LUZP2: variants seen among roughly 807,000 people sequenced by gnomAD.
LUZP2 encodes leucine zipper protein 2.
A neutral mutation model predicts 51.6 loss-of-function variants in LUZP2; 52 were observed. The observed-to-expected ratio is 1.01, with a 90% confidence interval of 0.81 to 1.27. LUZP2 has a LOEUF of 1.27. LUZP2 is among the 50% of genes most tolerant of loss of function. The pLI is 0.00. For missense variants in LUZP2, 436 were observed against 395.4 expected (o/e 1.10, Z -0.87); for synonymous variants, 154 against 137.3 (o/e 1.12, Z -0.85).
intron 5 of LUZP2, among the ~76,000 whole-genome samples, chr11:24,826,543 T>C (rs1014540564): frequency 1.3e-5 from 2 of 151,346 alleles, no homozygotes. Context: ...CTAATTTCAC[T>C]GCCCTTCCAA....
At chr11:24,699,086 AACACACACACACACACAC>A (rs67317108) in intron 1 of LUZP2, among the ~76,000 whole-genome samples, 2 of 138,370 alleles carry the variant, frequency 1.4e-5, no homozygotes, top group Non-Finnish European at 3.1e-5. Context: ...AAACCACAGA[AACACACACACACACACAC>A]ACACACACAC....
intron 1 of LUZP2, among the ~76,000 whole-genome samples, chr11:24,728,780 G>A (rs568838155): frequency 1.3e-3 from 195 of 151,974 alleles, no homozygotes; most frequent in African/African-American, 2.2e-3. Context: ...GTATGAGTCC[G>A]TTTCACACTG....
intron 9 of LUZP2, among the ~76,000 whole-genome samples, chr11:25,043,886 C>G (rs1858160312): frequency 7.1e-6 from 1 of 141,452 alleles, no homozygotes; most frequent in Admixed American, 7.2e-5. Context: ...TAAAATGGGT[C>G]TCAGACTATA....
intron 1 of LUZP2, among the ~76,000 whole-genome samples, chr11:24,645,291 G>T (rs870382): frequency 1.3e-5 from 2 of 151,902 alleles, no homozygotes; most frequent in East Asian, 3.9e-4. Context: ...AAGAGGGAGA[G>T]AAAGAGAGTT....
chr11:24,729,435 G>A (rs557220374), intron 2 of LUZP2, 149 bp downstream of exon 2: 1 of 434,738 alleles, frequency 2.3e-6, no homozygotes, highest in Non-Finnish European at 4.1e-6. Context: ...GCCCTAAACG[G>A]AAATGTCATT....
chr11:25,030,914 TGTATTATATATATATA>T, intron 9 of LUZP2, among the ~76,000 whole-genome samples: 1 of 33,962 alleles, frequency 2.9e-5, no homozygotes, highest in East Asian at 4.7e-4. Context: ...TAATATATAT[TGTATTATATATATATA>T]ATATATATTA....
intron 7 of LUZP2, among the ~76,000 whole-genome samples, chr11:24,924,727 G>A (rs927847946): frequency 5.3e-5 from 8 of 152,160 alleles, no homozygotes; most frequent in African/African-American, 1.4e-4. Flanking sequence ...CATGTAAGAT[G>A]TTCATTGGTT....
At chr11:25,030,959 TACA>T (rs1437411362) in intron 9 of LUZP2, among the ~76,000 whole-genome samples, 2 of 4,418 alleles carry the variant, frequency 4.5e-4, no homozygotes, top group African/African-American at 3.7e-3. Flanking sequence ...ATATATATAA[TACA>T]ATATATATTA....
At chr11:25,002,980 T>A (rs1856731844) in intron 9 of LUZP2, among the ~76,000 whole-genome samples, 1 of 152,174 alleles carries the variant, frequency 6.6e-6, no homozygotes, top group South Asian at 2.1e-4. Context: ...AATGTTTTAA[T>A]GTCTTAGGGT....
chr11:24,918,639 A>T (rs915462119), intron 7 of LUZP2, among the ~76,000 whole-genome samples: 1 of 134,146 alleles, frequency 7.5e-6, no homozygotes, highest in Non-Finnish European at 1.7e-5. Context: ...GTAATTCTTT[A>T]AAAAAAAAAT....
chr11:24,513,271 G>C (rs1850367620), intron 1 of LUZP2, among the ~76,000 whole-genome samples: 1 of 152,064 alleles, frequency 6.6e-6, no homozygotes, highest in Admixed American at 6.6e-5. Context: ...CCCCTTGCCT[G>C]TTTTTGGATT....
intron 1 of LUZP2, among the ~76,000 whole-genome samples, chr11:24,607,405 G>A (rs904527872): frequency 8.8e-6 from 1 of 113,192 alleles, no homozygotes. Context: ...ACCATTTATC[G>A]AAGAGACTAT....
At chr11:25,069,318 CTTG>C (rs1463811584) in intron 10 of LUZP2, among the ~76,000 whole-genome samples, 4 of 151,872 alleles carry the variant, frequency 2.6e-5, no homozygotes, top group South Asian at 2.1e-4. Flanking sequence ...ATCTGTTGAT[CTTG>C]TTGTCCTCAT....
At chr11:24,752,459 A>T (rs1158409694) in intron 4 of LUZP2, among the ~76,000 whole-genome samples, 1 of 152,216 alleles carries the variant, frequency 6.6e-6, no homozygotes, top group Non-Finnish European at 1.5e-5. Flanking sequence ...TACTGTACTC[A>T]AAAACAGAAT....
intron 1 of LUZP2, among the ~76,000 whole-genome samples, chr11:24,633,112 T>C (rs572249273): frequency 6.6e-6 from 1 of 152,108 alleles, no homozygotes; most frequent in South Asian, 2.1e-4. Context: ...TCTTGTTGCC[T>C]TCATGATGAC....
intron 5 of LUZP2, among the ~76,000 whole-genome samples, chr11:24,896,406 C>A (rs1296261791): frequency 1.3e-5 from 2 of 152,168 alleles, no homozygotes; most frequent in Non-Finnish European, 2.9e-5. Flanking sequence ...GCGATGCCAG[C>A]TCCAGGCAGT....
At chr11:24,596,598 T>G (rs1327587926) in intron 1 of LUZP2, among the ~76,000 whole-genome samples, 2 of 152,140 alleles carry the variant, frequency 1.3e-5, no homozygotes, top group East Asian at 3.9e-4. Flanking sequence ...ACTGGTGCCT[T>G]ATAACAGAGT....
intron 1 of LUZP2, among the ~76,000 whole-genome samples, chr11:24,659,272 G>T (rs1342298933): frequency 6.6e-6 from 1 of 152,092 alleles, no homozygotes; most frequent in Non-Finnish European, 1.5e-5. Context: ...TCCTTTGTAG[G>T]GACATGGATG....
chr11:24,580,800 T>C (rs1852825381), intron 1 of LUZP2, among the ~76,000 whole-genome samples: 2 of 152,182 alleles, frequency 1.3e-5, no homozygotes, highest in South Asian at 4.1e-4. Context: ...CATTCATCAA[T>C]ATACTATATG....
Sources: allele counts gnomAD v4.1 joint callset (sites outside exome capture counted in the v4.1 genomes callset), GRCh38; gene constraint gnomAD v4.1.1; transcripts MANE v1.5; gene names NCBI Gene and HGNC (gene_info 2026-07-23, HGNC 2026-07-21).